The following ZNF407 variants were observed in gnomAD, a reference collection of about 807,000 sequenced individuals.
ZNF407 encodes zinc finger protein 407.
In ZNF407, 17 loss-of-function variants were observed where a neutral mutation model predicts 131.2. The ratio of observed to expected loss-of-function variants is 0.13; its 90% CI spans 0.09 to 0.19. The LOEUF is 0.19. Ranked by LOEUF, ZNF407 falls within the 10% of genes least tolerant of loss-of-function variation. ZNF407 has a pLI of 1.00. For missense variants in ZNF407, 2,681 were observed against 2,830.6 expected, an observed-to-expected ratio of 0.95 and a Z score of 1.20; for synonymous variants, 1,156 against 1,062.0, an observed-to-expected ratio of 1.09 and a Z score of -1.72.
chr18:75,023,067 ACT>A (rs1973129835), intron 8 of ZNF407, among the ~76,000 whole-genome samples: 1 of 151,886 alleles, frequency 6.6e-6, no homozygotes, highest in Non-Finnish European at 1.5e-5. Flanking sequence ...TCCTCAGCAA[ACT>A]CTCGCAGGAA....
chr18:74,893,452 A>G (rs949147480), intron 7 of ZNF407, among the ~76,000 whole-genome samples: 1 of 152,204 alleles, frequency 6.6e-6, no homozygotes, highest in Admixed American at 6.5e-5. Flanking sequence ...ACAAAAGGCA[A>G]GTTCACCTTG....
intron 4 of ZNF407, among the ~76,000 whole-genome samples, chr18:74,824,618 A>G (rs547786410): frequency 6.6e-5 from 10 of 152,350 alleles, no homozygotes; most frequent in Admixed American, 5.9e-4. Context: ...TCTAGCAGAA[A>G]TGGATAAATT....
intron 8 of ZNF407, among the ~76,000 whole-genome samples, chr18:74,990,018 G>T (rs1457098910): frequency 6.6e-6 from 1 of 152,024 alleles, no homozygotes; most frequent in Admixed American, 6.5e-5. Flanking sequence ...TACATGTCCT[G>T]TGCTGCCTAA....
At chr18:75,042,648 T>C (rs1174017899) in intron 8 of ZNF407, among the ~76,000 whole-genome samples, 2 of 152,206 alleles carry the variant, frequency 1.3e-5, no homozygotes, top group Non-Finnish European at 2.9e-5. Context: ...TTGGATGTGT[T>C]TTGTCAAATG....
intron 8 of ZNF407, among the ~76,000 whole-genome samples, chr18:74,926,465 T>C (rs1971914894): frequency 6.6e-6 from 1 of 152,224 alleles, no homozygotes; most frequent in Admixed American, 6.5e-5. Context: ...TTGAATAATA[T>C]ACTGAAAGAG....
At position 74,635,806 on chromosome 18, in the gene ZNF407, C is replaced by A; in HGVS notation, c.4687+100C>A. The A allele has an allele frequency of 6.8e-7, 1 of 1,470,472 alleles. No individual in the cohort carries two copies. The highest frequency in any genetic ancestry group is 1.4e-5 in the South Asian group (1 of 71,238). 91.1% of individuals were successfully genotyped at this position (1,470,472 alleles called of 1,614,324 possible). On this transcript the variant is annotated intron_variant, in intron 2 of 8. Coordinates refer to ENST00000299687, the MANE Select transcript of ZNF407 (RefSeq NM_017757.3). This position sits in a 1 kb window ranked among gnomAD's most constrained non-coding sequence, Gnocchi z 4.7. ...CTGTGGCTGCTCATTGGCTTTCCACCCGGTTCACATTTCACTGCCGTGTGC... is the reference window on the plus strand; with the variant it reads ...CTGTGGCTGCTCATTGGCTTTCCACACGGTTCACATTTCACTGCCGTGTGC...
At chr18:74,695,250 C>T (rs1967323364) in intron 3 of ZNF407, among the ~76,000 whole-genome samples, 1 of 152,128 alleles carries the variant, frequency 6.6e-6, no homozygotes, top group Non-Finnish European at 1.5e-5. Flanking sequence ...CTGAAATTAG[C>T]TGTTTTTTGT....
chr18:74,988,314 T>A (rs985893667), intron 8 of ZNF407, among the ~76,000 whole-genome samples: 1 of 152,058 alleles, frequency 6.6e-6, no homozygotes, highest in Non-Finnish European at 1.5e-5. Flanking sequence ...GAACAAAACA[T>A]AGGAGAAAAT....
chr18:74,956,784 G>A (rs1323808031), intron 8 of ZNF407, among the ~76,000 whole-genome samples: 1 of 152,226 alleles, frequency 6.6e-6, no homozygotes, highest in East Asian at 1.9e-4. Context: ...ATGGCTGGAC[G>A]GTGTGATCTC....
chr18:74,735,216 C>T (rs1968385314), intron 3 of ZNF407, among the ~76,000 whole-genome samples: 1 of 152,112 alleles, frequency 6.6e-6, no homozygotes, highest in African/African-American at 2.4e-5. Flanking sequence ...TTTCGATGCC[C>T]TTCTTTTAAA....
intron 4 of ZNF407, among the ~76,000 whole-genome samples, chr18:74,834,432 G>C (rs1445788637): frequency 6.6e-6 from 1 of 152,168 alleles, no homozygotes; most frequent in Admixed American, 6.5e-5. Context: ...CTTAGAACCT[G>C]GTGGGACAAT....
intron 8 of ZNF407, among the ~76,000 whole-genome samples, chr18:74,983,979 T>C (rs1355033201): frequency 1.3e-5 from 2 of 152,244 alleles, no homozygotes; most frequent in African/African-American, 4.8e-5. Context: ...TTAATAATTA[T>C]ACATCAGTCT....
At chr18:74,627,090 A>T (rs1435528289) in intron 1 of ZNF407, among the ~76,000 whole-genome samples, 1 of 152,172 alleles carries the variant, frequency 6.6e-6, no homozygotes, top group Non-Finnish European at 1.5e-5. Context: ...TCATCTCAGG[A>T]ATCGCTGTCC....
intron 3 of ZNF407, among the ~76,000 whole-genome samples, chr18:74,752,183 T>G (rs531177891): frequency 2.0e-5 from 3 of 152,144 alleles, no homozygotes; most frequent in Non-Finnish European, 2.9e-5. Flanking sequence ...TTTGAGACGT[T>G]TCTCTTCATA....
At chr18:75,006,823 T>A (rs988709920) in intron 8 of ZNF407, among the ~76,000 whole-genome samples, 7 of 151,962 alleles carry the variant, frequency 4.6e-5, no homozygotes, top group Non-Finnish European at 7.3e-5. Context: ...AAGTGTGATT[T>A]TTTTTCTTTT....
intron 8 of ZNF407, among the ~76,000 whole-genome samples, chr18:75,034,300 GTTTTTTTTTT>G (rs71170337): frequency 2.6e-5 from 3 of 115,218 alleles, no homozygotes; most frequent in Middle Eastern, 5.6e-3. Flanking sequence ...TCTGTGTTGG[GTTTTTTTTTT>G]TTTTTTTTTT....
intron 6 of ZNF407, among the ~76,000 whole-genome samples, 180 bp from the exon 7 acceptor site, chr18:74,889,738 T>C (rs965186279): frequency 1.3e-5 from 2 of 152,194 alleles, no homozygotes; most frequent in Non-Finnish European, 2.9e-5. Context: ...ATCAATGATA[T>C]CTTCTAATTT....
chr18:74,913,156 G>T (rs1179629821), intron 7 of ZNF407, among the ~76,000 whole-genome samples: 1 of 152,190 alleles, frequency 6.6e-6, no homozygotes, highest in South Asian at 2.1e-4. Context: ...CAGTATGGCA[G>T]AATTTATCAG....
rs1599125799 is a variant in ZNF407 at position 74,608,986 on chromosome 18, A to G, written c.-54+11049A>G. On this transcript the variant is annotated intron_variant, in intron 1 of 8. Coordinates refer to ENST00000299687, the MANE Select transcript of ZNF407 (RefSeq NM_017757.3). ...TTTTTTTTTTGATTTTGGTGCAGAA[A>G]GTTTGAAACAAATGAACATAATATC... Among the ~76,000 whole-genome samples the G allele has an allele frequency of 2.0e-5, 3 of 152,298 alleles. 1 individual carries two copies. The highest frequency in any genetic ancestry group is 2.0e-4 in the Admixed American group (3 of 15,298).
Sources: gnomAD v4.1 joint callset for allele counts (sites outside exome capture counted in the v4.1 genomes callset) on GRCh38, gnomAD v4.1.1 for gene constraint, Gnocchi (gnomAD v3.1) non-coding constraint, MANE v1.5 for transcripts, NCBI Gene and HGNC (gene_info 2026-07-23, HGNC 2026-07-21) for gene names.